CADPS: variants seen among roughly 807,000 people sequenced by gnomAD.
CADPS encodes calcium-dependent secretion activator 1.
Under a neutral mutation model 167.3 loss-of-function variants are expected in CADPS, and 57 were observed. The ratio of observed to expected loss-of-function variants is 0.34; its 90% CI spans 0.28 to 0.42. CADPS has a LOEUF of 0.42. CADPS is among the 20% of genes least tolerant of loss of function. CADPS has a pLI of 1.00. For missense variants in CADPS, 1,414 were observed against 1,738.1 expected (o/e 0.81, Z 3.32); for synonymous variants, 676 against 635.3 (o/e 1.06, Z -0.96).
intron 10 of CADPS, among the ~76,000 whole-genome samples, chr3:62,556,139 T>C (rs989312110): frequency 1.8e-4 from 27 of 152,200 alleles, no homozygotes; most frequent in African/African-American, 6.5e-4. Context: ...CAGAATGTCC[T>C]AAGGACTGGT....
intron 11 of CADPS, among the ~76,000 whole-genome samples, chr3:62,539,397 A>T (rs1013320036): frequency 5.3e-5 from 8 of 152,138 alleles, no homozygotes; most frequent in African/African-American, 1.2e-4. Context: ...CCAAATTATC[A>T]TTTACTCAAA....
At chr3:62,773,168 T>C (rs2089370876) in intron 1 of CADPS, among the ~76,000 whole-genome samples, 2 of 152,034 alleles carry the variant, frequency 1.3e-5, no homozygotes, top group African/African-American at 4.8e-5. Flanking sequence ...TATTGGGCCA[T>C]GAATTTTATT....
chr3:62,684,404 T>C (rs1441096209), intron 3 of CADPS, among the ~76,000 whole-genome samples: 1 of 152,020 alleles, frequency 6.6e-6, no homozygotes, highest in Non-Finnish European at 1.5e-5. Flanking sequence ...AGCTTGTGTA[T>C]TGCCTACCCC....
chr3:62,705,000 G>A (rs1211264330), intron 3 of CADPS, among the ~76,000 whole-genome samples: 2 of 152,078 alleles, frequency 1.3e-5, no homozygotes. Flanking sequence ...AGTGAACCAA[G>A]CCCACCATAC....
intron 10 of CADPS, among the ~76,000 whole-genome samples, chr3:62,556,987 GA>G (rs1350286356): frequency 7.6e-6 from 1 of 131,280 alleles, no homozygotes; most frequent in Non-Finnish European, 1.6e-5. Flanking sequence ...CATCACTGGT[GA>G]AAAACAACAC....
chr3:62,427,461 T>C (rs941153860), intron 28 of CADPS, among the ~76,000 whole-genome samples: 3 of 152,134 alleles, frequency 2.0e-5, no homozygotes, highest in African/African-American at 7.2e-5. Flanking sequence ...GGTTTTTCAA[T>C]CTCTCTACAC....
chr3:62,557,785 TTCC>T (rs1419678565), intron 9 of CADPS, among the ~76,000 whole-genome samples: 1 of 152,230 alleles, frequency 6.6e-6, no homozygotes, highest in African/African-American at 2.4e-5. Flanking sequence ...TTACAGTCTG[TTCC>T]TGGCACTTAG....
chr3:62,824,685 T>C (rs1459973498), intron 1 of CADPS, among the ~76,000 whole-genome samples: 1 of 152,122 alleles, frequency 6.6e-6, no homozygotes, highest in African/African-American at 2.4e-5. Flanking sequence ...TATCACCACT[T>C]TTTAAAAAAA....
chr3:62,595,339 T>G (rs564712211), intron 6 of CADPS, among the ~76,000 whole-genome samples: 11 of 152,256 alleles, frequency 7.2e-5, no homozygotes, highest in African/African-American at 2.6e-4. Context: ...TGTCAGCAAC[T>G]GCAGCAAGAC....
chr3:62,667,604 A>G (rs1207555068), intron 3 of CADPS, among the ~76,000 whole-genome samples: 1 of 151,690 alleles, frequency 6.6e-6, no homozygotes, highest in Non-Finnish European at 1.5e-5. Flanking sequence ...AAGTCTGGAA[A>G]CTCACTCTAT....
chr3:62,511,194 A>G (rs2067743977), intron 17 of CADPS, among the ~76,000 whole-genome samples: 1 of 152,202 alleles, frequency 6.6e-6, no homozygotes, highest in South Asian at 2.1e-4. Context: ...ATTTTGAACC[A>G]TGAGATATAG....
intron 6 of CADPS, among the ~76,000 whole-genome samples, chr3:62,608,287 C>G (rs1383585688): frequency 7.0e-6 from 1 of 141,976 alleles, no homozygotes; most frequent in Non-Finnish European, 1.5e-5. Flanking sequence ...GTTGTTGTTG[C>G]TTTTTTTTTT....
intron 1 of CADPS, among the ~76,000 whole-genome samples, chr3:62,789,610 G>A (rs182622934): frequency 6.6e-6 from 1 of 152,214 alleles, no homozygotes; most frequent in East Asian, 1.9e-4. Context: ...AGCTGGGAGG[G>A]GTGCAGAAGC....
chr3:62,550,661 G>A (rs1365144874), intron 10 of CADPS, among the ~76,000 whole-genome samples: 4 of 152,062 alleles, frequency 2.6e-5, no homozygotes, highest in Non-Finnish European at 4.4e-5. Flanking sequence ...GCTGGTGTGA[G>A]GACCACATGT....
chr3:62,864,881 C>T (rs1259031135), intron 1 of CADPS, among the ~76,000 whole-genome samples: 3 of 152,154 alleles, frequency 2.0e-5, no homozygotes, highest in Non-Finnish European at 4.4e-5. Flanking sequence ...CTCAACTTCT[C>T]AACCAGATTG....
intron 28 of CADPS, among the ~76,000 whole-genome samples, chr3:62,428,563 G>T (rs551440465): frequency 1.3e-5 from 2 of 151,960 alleles, no homozygotes; most frequent in Non-Finnish European, 2.9e-5. Flanking sequence ...ACTGGCAAAG[G>T]CTCCCAAGCT....
intron 1 of CADPS, among the ~76,000 whole-genome samples, chr3:62,820,800 T>TTG (rs2094875971): frequency 6.6e-6 from 1 of 150,976 alleles, no homozygotes; most frequent in African/African-American, 2.4e-5. Context: ...TTTTGGTTTT[T>TTG]TTTTTTTTTC....
rs2061548357 is a variant in CADPS, at chr3:62,478,124, C to A, written c.3329+137G>T. On this transcript the variant is annotated intron_variant, in intron 23 of 29. Coordinates refer to ENST00000383710, the MANE Select transcript of CADPS (RefSeq NM_003716.4). This position sits in a 1 kb window ranked among gnomAD's most constrained non-coding sequence, Gnocchi z 5.7. ...AGTTAGACGTTGACAGCCACTACTCCAGCTGACTTTGACAAGCAATCCCCT... is the reference window on the plus strand; with the variant it reads ...AGTTAGACGTTGACAGCCACTACTCAAGCTGACTTTGACAAGCAATCCCCT... The A allele has an allele frequency of 1.1e-6, 1 of 933,068 alleles. No individual in the cohort carries two copies. Among genetic ancestry groups the A allele is most frequent in the African/African-American group, 1.6e-5 (1 of 61,458 alleles). The allele number at this position is 933,068 out of a possible 1,614,324, so 57.8% of individuals were successfully genotyped here.
chr3:62,760,676 G>C (rs1168072420), intron 2 of CADPS, among the ~76,000 whole-genome samples: 2 of 152,050 alleles, frequency 1.3e-5, no homozygotes, highest in African/African-American at 4.8e-5. Flanking sequence ...GGATGTACCT[G>C]TTTATCATGG....
Sources: allele counts gnomAD v4.1 joint callset (sites outside exome capture counted in the v4.1 genomes callset), GRCh38; gene constraint gnomAD v4.1.1; non-coding constraint Gnocchi (gnomAD v3.1); transcripts MANE v1.5; gene names NCBI Gene and HGNC (gene_info 2026-07-23, HGNC 2026-07-21).